UCHL5: variants seen among roughly 807,000 people sequenced by gnomAD.
UCHL5 encodes the protein ubiquitin C-terminal hydrolase L5, also known as ubiquitin carboxyl-terminal hydrolase isozyme L5.
Under a neutral mutation model 53.8 loss-of-function variants are expected in UCHL5, and 34 were observed. The ratio of observed to expected loss-of-function variants is 0.63; its 90% CI spans 0.48 to 0.84. The LOEUF is 0.84. Ranked by LOEUF, UCHL5 falls within the 40% of genes least tolerant of loss-of-function variation. The pLI is 0.00. For synonymous variants in UCHL5, 111 were observed against 126.3 expected (o/e 0.88, Z 0.81); for missense variants, 290 against 385.6 (o/e 0.75, Z 2.08).
intron 3 of UCHL5, among the ~76,000 whole-genome samples, chr1:193,042,081 G>C (rs1180019798): frequency 1.3e-5 from 2 of 151,720 alleles, no homozygotes; most frequent in Non-Finnish European, 2.9e-5. Flanking sequence ...ACTCCAGCCT[G>C]GGTGACAGAG....
At chr1:193,034,141 A>C (rs1571666584) in intron 3 of UCHL5, among the ~76,000 whole-genome samples, 2 of 152,282 alleles carry the variant, frequency 1.3e-5, no homozygotes, top group East Asian at 3.9e-4. Flanking sequence ...AAGGCGGCTA[A>C]AAGGAGAAAT....
At chr1:193,019,827 A>G (rs1169075283) in intron 10 of UCHL5, 4 of 942,314 alleles carry the variant, frequency 4.2e-6, no homozygotes, top group Non-Finnish European at 5.1e-6. Flanking sequence ...TTTTAATGCA[A>G]AATTTATACA....
chr1:193,040,651 G>A lies in UCHL5; in HGVS notation c.246+9095C>T, dbSNP rs116508387. 4.2e-4 allele frequency among the ~76,000 whole-genome samples: 64 copies of A among 152,234 alleles called. No individual in the cohort carries two copies. In the East Asian group the frequency reaches 9.1e-3, roughly 22 times the overall value. ...AATCCACTACTGGGTATACAGATCC[G>A]AAAGAAGGGAAATAAATATATCAAA... On this transcript the variant is annotated intron_variant, in intron 3 of 10. Transcript: ENST00000367454.
chr1:193,020,023 G>A (rs1656358964), intron 10 of UCHL5: 1 of 984,652 alleles, frequency 1.0e-6, no homozygotes, highest in African/African-American at 1.7e-5. Flanking sequence ...ACAGGACCCT[G>A]TATTAATCTA....
intron 1 of UCHL5, among the ~76,000 whole-genome samples, chr1:193,055,505 T>G (rs1670348844): frequency 1.3e-5 from 2 of 152,164 alleles, no homozygotes; most frequent in African/African-American, 4.8e-5. Context: ...ACAACCCTTA[T>G]CTCTAAACCA....
upstream of UCHL5, chr1:193,059,783 A>G (rs1672273723): frequency 1.5e-6 from 2 of 1,356,584 alleles, no homozygotes; most frequent in African/African-American, 3.0e-5. The surrounding 1 kb of genome is among the most constrained non-coding windows in gnomAD (Gnocchi z 4.9). Context: ...ACAGGTGAGG[A>G]CATTGCGGGA....
At chr1:193,025,779 TTATAGA>T (rs1316150508) in intron 7 of UCHL5, among the ~76,000 whole-genome samples, 6 of 152,040 alleles carry the variant, frequency 3.9e-5, no homozygotes, top group African/African-American at 1.5e-4. Context: ...AGTCTTACTT[TTATAGA>T]TATAGAGAAG....
intron 7 of UCHL5, among the ~76,000 whole-genome samples, chr1:193,024,542 ACTTT>A (rs1351893085): frequency 5.4e-5 from 8 of 149,334 alleles, no homozygotes; most frequent in African/African-American, 1.7e-4. Flanking sequence ...GTCATGATGA[ACTTT>A]CTATTTTTAA....
At chr1:193,030,519 C>T (rs1660984105) in intron 3 of UCHL5, among the ~76,000 whole-genome samples, 1 of 152,192 alleles carries the variant, frequency 6.6e-6, no homozygotes, top group African/African-American at 2.4e-5. Flanking sequence ...ACAGCAGTTT[C>T]TTCCACACTG....
chr1:193,049,814 G>T lies in UCHL5; in HGVS notation c.178C>A (p.Pro60Thr), dbSNP rs1668445185. The change falls in exon 3 of 11, where the codon CCA (proline) becomes ACA (threonine). Residue 60 changes from proline (P) to threonine (T), a missense_variant. Transcript: ENST00000367454. ...HGLIFLFKWQ[P>T]GEEPAGSVVQ... ...ACAGAGCCTGCTGGTTCTTCTCCTG[G>T]CTGCCACTTGAAAAGAAAAATTAAC... 1 of 1,611,742 alleles carries T rather than the reference G, an allele frequency of 6.2e-7. No homozygotes were observed. Among genetic ancestry groups the T allele is most frequent in the African/African-American group, 1.3e-5 (1 of 74,820 alleles).
Position 193,051,811 on chromosome 1 carries a change from C to T in UCHL5, c.83G>A (p.Arg28Gln), listed in dbSNP as rs770894191. ...FTELIKGFGCRGAQVEEIWSL... is the reference protein window; with the variant it reads ...FTELIKGFGCQGAQVEEIWSL... ...CCATATTTCTTCTACTTGGGCTCCTCGGCAACCTGAAATAATAAATTATTT... is the reference window on the plus strand; with the variant it reads ...CCATATTTCTTCTACTTGGGCTCCTTGGCAACCTGAAATAATAAATTATTT... Residue 28 changes from arginine to glutamine, a missense_variant, in exon 2 of 11, where the codon CGA (arginine) becomes CAA (glutamine). Physicochemically the swap from Arg to Gln is conservative, Grantham distance 43. Transcript: ENST00000367454. 10 of 1,590,828 alleles carry T rather than the reference C, an allele frequency of 6.3e-6. No homozygotes were observed. The highest frequency in any genetic ancestry group is 3.5e-5 in the South Asian group (3 of 86,000).
chr1:193,022,084 C>T (rs1372919858), intron 9 of UCHL5, among the ~76,000 whole-genome samples: 1 of 151,838 alleles, frequency 6.6e-6, no homozygotes, highest in Non-Finnish European at 1.5e-5. Flanking sequence ...ATTGGGAAAG[C>T]TATTATTTTT....
At chr1:193,059,667 T>G (rs776497792), upstream of UCHL5, 11 of 1,373,658 alleles carry the variant, frequency 8.0e-6, no homozygotes, top group Non-Finnish European at 7.8e-6. The surrounding 1 kb of genome is among the most constrained non-coding windows in gnomAD (Gnocchi z 4.9). Flanking sequence ...CTGTTGCTGT[T>G]GCTGTGGCTG....
chr1:193,039,942 A>C (rs1664958705), intron 3 of UCHL5, among the ~76,000 whole-genome samples: 1 of 152,182 alleles, frequency 6.6e-6, no homozygotes, highest in Non-Finnish European at 1.5e-5. Flanking sequence ...CTGGATAACC[A>C]TTGCAGAAAA....
chr1:193,030,260 T>C (rs559637969), intron 3 of UCHL5, among the ~76,000 whole-genome samples: 1 of 152,334 alleles, frequency 6.6e-6, no homozygotes, highest in South Asian at 2.1e-4. Context: ...TTAGATAGCA[T>C]TTACTATGTG....
At chr1:193,058,950 G>C (rs1671795262) in intron 1 of UCHL5, among the ~76,000 whole-genome samples, 1 of 152,198 alleles carries the variant, frequency 6.6e-6, no homozygotes, top group Non-Finnish European at 1.5e-5. Flanking sequence ...GATGCAGCAG[G>C]CACAAGACTG....
intron 7 of UCHL5, among the ~76,000 whole-genome samples, chr1:193,027,563 T>C (rs1659753154): frequency 6.6e-6 from 1 of 152,026 alleles, no homozygotes; most frequent in Non-Finnish European, 1.5e-5. Context: ...CATGTGCCCA[T>C]AATCCCAGCT....
At chr1:193,031,528 G>T (rs1463210940) in intron 3 of UCHL5, among the ~76,000 whole-genome samples, 1 of 152,102 alleles carries the variant, frequency 6.6e-6, no homozygotes, top group Non-Finnish European at 1.5e-5. Flanking sequence ...TCTGTGAGAA[G>T]AAAAGTTACA....
chr1:193,052,469 T>C (rs1349035575), intron 1 of UCHL5, among the ~76,000 whole-genome samples: 2 of 152,188 alleles, frequency 1.3e-5, no homozygotes, highest in Non-Finnish European at 1.5e-5. Flanking sequence ...CTGATAGATA[T>C]CCTACGTTGC....
Sources: gnomAD v4.1 joint callset for allele counts (sites outside exome capture counted in the v4.1 genomes callset) on GRCh38, gnomAD v4.1.1 for gene constraint, Gnocchi (gnomAD v3.1) non-coding constraint, MANE v1.5 for transcripts, NCBI Gene and HGNC (gene_info 2026-07-23, HGNC 2026-07-21) for gene names.